The following LRP5 variants were observed in gnomAD, a reference collection of about 807,000 sequenced individuals.
LRP5 encodes LDL receptor related protein 5.
LRP5 carries 62 observed loss-of-function variants against 154.1 expected under a neutral mutation model. That is an observed-to-expected ratio of 0.40 (90% CI 0.33 to 0.50). The LOEUF is 0.50. Among genes scored for constraint, LRP5 ranks in the 20% least tolerant of loss-of-function variants. The pLI is 0.55. For synonymous variants in LRP5, 966 were observed against 1,011.5 expected (o/e 0.96, Z 0.85); for missense variants, 1,915 against 2,336.7 (o/e 0.82, Z 3.72).
Position 68,347,972 on chromosome 11 carries a change from T to G in LRP5, c.217T>G (p.Ser73Ala). The G allele has an allele frequency of 6.2e-7, 1 of 1,614,150 alleles. No individual in the cohort carries two copies. Among genetic ancestry groups the G allele is most frequent in the Non-Finnish European group, 8.5e-7 (1 of 1,180,036 alleles). Residue 73 changes from serine (S) to alanine (A), a missense_variant, in exon 2 of 23, where the codon TCC becomes GCC. By Grantham distance (99) the Ser-to-Ala change is moderately conservative. Transcript: ENST00000294304. ...TGCGGCCGCAGTGGACTTCCAGTTT[T>G]CCAAGGGAGCCGTGTACTGGACAGA... is the stretch of plus-strand genomic sequence containing the variant. ...EDAAAVDFQF[S>A]KGAVYWTDVS...
chr11:68,410,379 C>CT (rs1484004575), intron 10 of LRP5, among the ~76,000 whole-genome samples: 1 of 152,184 alleles, frequency 6.6e-6, no homozygotes, highest in Non-Finnish European at 1.5e-5. Context: ...CCTGGGCCGT[C>CT]TCACCGAAGT....
At chr11:68,340,957 G>A (rs1188003377) in intron 1 of LRP5, among the ~76,000 whole-genome samples, 1 of 151,130 alleles carries the variant, frequency 6.6e-6, no homozygotes, top group African/African-American at 2.4e-5. Context: ...GTGTTGACAT[G>A]TCGAACGTTT....
chr11:68,356,283 C>T (rs2098623184), intron 2 of LRP5, among the ~76,000 whole-genome samples: 3 of 151,726 alleles, frequency 2.0e-5, no homozygotes, highest in African/African-American at 7.3e-5. Context: ...GCTGGGACTA[C>T]AAGAGTGTGC....
At chr11:68,371,685 C>T (rs17149025) in intron 5 of LRP5, among the ~76,000 whole-genome samples, 3,941 of 152,340 alleles carry the variant, frequency 0.026, 182 homozygotes, top group African/African-American at 0.09. Flanking sequence ...CTCGCCTCGA[C>T]TGAAAACTAC....
chr11:68,390,861 G>A (rs1211004558), intron 7 of LRP5, among the ~76,000 whole-genome samples: 42 of 152,136 alleles, frequency 2.8e-4, no homozygotes, highest in African/African-American at 9.9e-4. Context: ...TCGCCCTGCC[G>A]CTGTGGTCGG....
chr11:68,393,084 C>T (rs1229173351), intron 7 of LRP5, among the ~76,000 whole-genome samples: 4 of 151,572 alleles, frequency 2.6e-5, no homozygotes, highest in Admixed American at 6.6e-5. Context: ...GAGCTATGAT[C>T]GCACCACTGC....
chr11:68,361,449 A>G (rs2098628073), intron 3 of LRP5, among the ~76,000 whole-genome samples: 1 of 152,096 alleles, frequency 6.6e-6, no homozygotes. Flanking sequence ...ATCCTGGGTA[A>G]CACGGTGAAA....
rs1323257280 is a variant in LRP5 at position 68,443,577 on chromosome 11, ATATATATATTTT to A, written c.4489-2857_4489-2846del. 4.8e-3 allele frequency among the ~76,000 whole-genome samples: 202 copies of A among 42,010 alleles called. 7 individuals are homozygous for A. Among genetic ancestry groups the A allele is most frequent in the Middle Eastern group, 0.017 (1 of 58 alleles). The allele number at this position is 42,010 out of a possible 152,430, so 27.6% of individuals were successfully genotyped here. The stretch of plus-strand genomic sequence containing the variant: ...TATATATATATATATATATATATAT[ATATATATATTTT>A]TTTTTTTTTTGGTTATGTTCAGAAA... On this transcript the variant is annotated intron_variant, in intron 21 of 22. Transcript: ENST00000294304.
chr11:68,418,952 C>G (rs900548399), intron 13 of LRP5, among the ~76,000 whole-genome samples: 1 of 152,186 alleles, frequency 6.6e-6, no homozygotes, highest in African/African-American at 2.4e-5. Flanking sequence ...ATGGTGTCTG[C>G]TAGGCAGAAG....
chr11:68,367,532 G>T (rs965592923), intron 5 of LRP5, among the ~76,000 whole-genome samples: 1 of 152,254 alleles, frequency 6.6e-6, no homozygotes, highest in African/African-American at 2.4e-5. Flanking sequence ...TTGGCTTGCT[G>T]GCTGCCCGGG....
chr11:68,431,370 G>T (rs1362748623), intron 17 of LRP5, among the ~76,000 whole-genome samples: 1 of 150,872 alleles, frequency 6.6e-6, no homozygotes, highest in African/African-American at 2.4e-5. Flanking sequence ...CTCCCAAGTA[G>T]CTGGGATTAC....
intron 9 of LRP5, among the ~76,000 whole-genome samples, chr11:68,407,047 T>C (rs1344562546): frequency 6.6e-6 from 1 of 152,168 alleles, no homozygotes; most frequent in Non-Finnish European, 1.5e-5. Flanking sequence ...TGTGAAATAT[T>C]TGTTGTCCGT....
chr11:68,381,533 G>A (rs996863983), intron 5 of LRP5, among the ~76,000 whole-genome samples: 1 of 152,138 alleles, frequency 6.6e-6, no homozygotes, highest in African/African-American at 2.4e-5. Context: ...CTCGCGGAAG[G>A]GATGTCGCCC....
intron 6 of LRP5, among the ~76,000 whole-genome samples, chr11:68,388,226 G>A (rs941866918): frequency 3.9e-5 from 6 of 151,928 alleles, no homozygotes; most frequent in Non-Finnish European, 1.5e-5. Context: ...GCTTTAGCAA[G>A]AGGAGGCCCA....
At chr11:68,411,327 C>T (rs901596497) in intron 10 of LRP5, 109 bp from the exon 11 acceptor site, 20 of 1,217,196 alleles carry the variant, frequency 1.6e-5, no homozygotes, top group African/African-American at 4.5e-5. Flanking sequence ...TTCTCCAGGA[C>T]GGGGAGGGCT....
chr11:68,375,434 T>C (rs1363612458), intron 5 of LRP5, among the ~76,000 whole-genome samples: 1 of 152,224 alleles, frequency 6.6e-6, no homozygotes, highest in Non-Finnish European at 1.5e-5. Context: ...CATCTGAGTG[T>C]GGACCTCCCT....
chr11:68,438,073 AG>A (rs2098675996), intron 19 of LRP5, among the ~76,000 whole-genome samples: 1 of 152,176 alleles, frequency 6.6e-6, no homozygotes, highest in South Asian at 2.1e-4. Context: ...GGGCGGCACC[AG>A]GGGCTGCCTG....
chr11:68,389,541 C>G (rs1281821957), intron 6 of LRP5, among the ~76,000 whole-genome samples: 3 of 151,954 alleles, frequency 2.0e-5, no homozygotes, highest in Non-Finnish European at 4.4e-5. Context: ...TTTACCAACA[C>G]CGATGTTTAC....
Position 68,333,236 on chromosome 11 carries a change from T to C in LRP5, c.92-14611T>C, listed in dbSNP as rs1218034913. ...AGGTCCCTGGCTTCATGGAACTGTC[T>C]ACATAAAAGCGAGCCTGGGTGTTTC... On this transcript the variant is annotated intron_variant, in intron 1 of 22. Transcript: ENST00000294304. 2.0e-5 allele frequency among the ~76,000 whole-genome samples: 3 copies of C among 152,328 alleles called. No individual in the cohort carries two copies. The East Asian group carries it at 5.8e-4, about 29-fold the overall frequency.
Sources: allele counts gnomAD v4.1 joint callset (sites outside exome capture counted in the v4.1 genomes callset), GRCh38; gene constraint gnomAD v4.1.1; transcripts MANE v1.5; gene names NCBI Gene and HGNC (gene_info 2026-07-23, HGNC 2026-07-21).